The following MYLK4 variants were observed in gnomAD, a reference collection of about 807,000 sequenced individuals.
MYLK4 encodes myosin light chain kinase family member 4.
In MYLK4, 46 loss-of-function variants were observed where a neutral mutation model predicts 48.1. The observed-to-expected ratio is 0.96, with a 90% confidence interval of 0.75 to 1.22. MYLK4 has a LOEUF of 1.22. Among genes scored for constraint, MYLK4 ranks in the 50% most tolerant of loss-of-function variants. The pLI is 0.00. For missense variants in MYLK4, 451 were observed against 486.1 expected, an observed-to-expected ratio of 0.93 and a Z score of 0.68; for synonymous variants, 170 against 180.8, an observed-to-expected ratio of 0.94 and a Z score of 0.48.
At chr6:2,674,691 G>A (rs1261284713) in intron 11 of MYLK4, among the ~76,000 whole-genome samples, 1 of 152,086 alleles carries the variant, frequency 6.6e-6, no homozygotes, top group East Asian at 1.9e-4. Context: ...GACCAACATG[G>A]TGAAACTCTG....
rs541078645 is a variant in MYLK4, at chr6:2,701,411, C to G, written c.160-8552G>C. ...GGGCTTGGTGTTTCCTAATGTGAGG[C>G]GAGGTGTGGTCCCCTGGACTGCAGG... On this transcript the variant is annotated intron_variant, in intron 2 of 12. Transcript: ENST00000274643. Among the ~76,000 whole-genome samples the G allele has an allele frequency of 1.7e-3, 253 of 152,236 alleles. 1 individual carries two copies. Among genetic ancestry groups the G allele is most frequent in the African/African-American group, 5.8e-3 (239 of 41,532 alleles).
chr6:2,714,448 T>C (rs917725144), intron 2 of MYLK4, among the ~76,000 whole-genome samples: 1 of 152,258 alleles, frequency 6.6e-6, no homozygotes, highest in African/African-American at 2.4e-5. Context: ...GCACTGCCTA[T>C]GAGTCAGCCC....
At chr6:2,723,395 G>T (rs1376006956) in intron 2 of MYLK4, among the ~76,000 whole-genome samples, 1 of 152,236 alleles carries the variant, frequency 6.6e-6, no homozygotes, top group East Asian at 1.9e-4. Context: ...TGTGAAACAT[G>T]GGGAAGAGTT....
intron 2 of MYLK4, among the ~76,000 whole-genome samples, chr6:2,707,405 G>A (rs569226077): frequency 6.6e-6 from 1 of 152,056 alleles, no homozygotes; most frequent in Admixed American, 6.5e-5. Flanking sequence ...TTTTCAAACC[G>A]ATCTCATTAT....
At chr6:2,703,149 G>A (rs2113220560) in intron 2 of MYLK4, among the ~76,000 whole-genome samples, 1 of 152,256 alleles carries the variant, frequency 6.6e-6, no homozygotes. Flanking sequence ...TATCTAGCAT[G>A]GAGGGGGCCC....
chr6:2,732,340 C>G (rs1763506978), intron 2 of MYLK4, among the ~76,000 whole-genome samples: 1 of 152,166 alleles, frequency 6.6e-6, no homozygotes, highest in South Asian at 2.1e-4. Flanking sequence ...ATTTCAAATA[C>G]CCACTCAGCA....
intron 2 of MYLK4, among the ~76,000 whole-genome samples, chr6:2,748,416 A>C (rs1020691946): frequency 2.0e-5 from 3 of 152,220 alleles, no homozygotes; most frequent in Non-Finnish European, 4.4e-5. Context: ...CCCACCGGGC[A>C]AGGAGCCAAC....
Position 2,749,162 on chromosome 6 carries a change from G to A in MYLK4, c.133C>T (p.Gln45Ter). ...KCFLEKNSGD[Q>*]DSRSGHNEAK... Reference sequence around the variant, plus strand: ...TCATTATGTCCAGATCTTGAATCCTGGTCCCCAGAATTTTTTTCCAGAAAA... The same window carrying A: ...TCATTATGTCCAGATCTTGAATCCTAGTCCCCAGAATTTTTTTCCAGAAAA... Residue 45 changes from glutamine to a stop codon, truncating the protein, a stop_gained, in exon 2 of 13, where the codon CAG becomes TAG. Transcript: ENST00000274643. LOFTEE classifies it high-confidence loss of function. 1 of 1,613,758 alleles carries A rather than the reference G, an allele frequency of 6.2e-7. No homozygotes were observed. The highest frequency in any genetic ancestry group is 1.6e-4 in the Middle Eastern group (1 of 6,062).
intron 2 of MYLK4, among the ~76,000 whole-genome samples, 180 bp downstream of exon 2, chr6:2,748,956 G>T (rs1482174907): frequency 6.6e-6 from 1 of 152,140 alleles, no homozygotes; most frequent in Non-Finnish European, 1.5e-5. Context: ...AGTTTCAAAG[G>T]CCTCCTAATT....
the MYLK4 span, among the ~76,000 whole-genome samples, chr6:2,756,878 C>T: frequency 2.0e-5 from 3 of 152,156 alleles, no homozygotes; most frequent in African/African-American, 7.2e-5. Context: ...ACTGGAGGAA[C>T]AATGTTTATG....
At chr6:2,725,008 G>T (rs1293498595) in intron 2 of MYLK4, among the ~76,000 whole-genome samples, 1 of 152,252 alleles carries the variant, frequency 6.6e-6, no homozygotes, top group South Asian at 2.1e-4. Flanking sequence ...AAAATTAGCT[G>T]GGCATGGTGG....
chr6:2,736,795 G>A (rs561796806), intron 2 of MYLK4, among the ~76,000 whole-genome samples: 10 of 152,252 alleles, frequency 6.6e-5, no homozygotes, highest in Non-Finnish European at 1.2e-4. Flanking sequence ...AGGTCTGGTG[G>A]TTTGGCATTT....
chr6:2,713,825 T>C (rs976890671), intron 2 of MYLK4, among the ~76,000 whole-genome samples: 1 of 152,166 alleles, frequency 6.6e-6, no homozygotes, highest in Non-Finnish European at 1.5e-5. Flanking sequence ...TCCCATTCAG[T>C]AGAGAAACCG....
the MYLK4 span, chr6:2,770,149 G>C: frequency 1.2e-6 from 2 of 1,614,080 alleles, no homozygotes; most frequent in Non-Finnish European, 1.7e-6. Context: ...TGGAATGTGG[G>C]ACGATCACTC....
At chr6:2,715,347 A>G (rs150604281) in intron 2 of MYLK4, among the ~76,000 whole-genome samples, 2 of 152,220 alleles carry the variant, frequency 1.3e-5, no homozygotes, top group East Asian at 1.9e-4. Context: ...CTGCACGACA[A>G]TGTGAATGTA....
At chr6:2,766,270 G>A in the MYLK4 span, 1 of 1,571,486 alleles carries the variant, frequency 6.4e-7, no homozygotes, top group Non-Finnish European at 8.6e-7. Flanking sequence ...TGGCTGCCGA[G>A]GAGATCCGAC....
chr6:2,743,747 A>T, intron 2 of MYLK4: 1 of 394,210 alleles, frequency 2.5e-6, no homozygotes, highest in East Asian at 3.6e-5. Context: ...GCCACATGCC[A>T]CTATTATTAC....
At chr6:2,696,403 G>T (rs1435176250) in intron 2 of MYLK4, among the ~76,000 whole-genome samples, 1 of 152,346 alleles carries the variant, frequency 6.6e-6, no homozygotes, top group East Asian at 1.9e-4. Context: ...GCTATTAAAA[G>T]GTAGGGCCTT....
the MYLK4 span, among the ~76,000 whole-genome samples, chr6:2,763,572 T>C: frequency 6.6e-6 from 1 of 152,212 alleles, no homozygotes; most frequent in African/African-American, 2.4e-5. Context: ...GCGAGGCTTA[T>C]CTGAGCCTAC....
Sources: gnomAD v4.1 joint callset for allele counts (sites outside exome capture counted in the v4.1 genomes callset) on GRCh38, gnomAD v4.1.1 for gene constraint, MANE v1.5 for transcripts, NCBI Gene and HGNC (gene_info 2026-07-23, HGNC 2026-07-21) for gene names.